The following MPP2 variants were observed in gnomAD, a reference collection of about 807,000 sequenced individuals.
The protein encoded by MPP2 is MAGUK p55 scaffold protein 2, also known as MAGUK p55 subfamily member 2.
Under a neutral mutation model 58.5 loss-of-function variants are expected in MPP2, and 42 were observed. The ratio of observed to expected loss-of-function variants is 0.72; its 90% confidence interval spans 0.56 to 0.93. MPP2 has a LOEUF of 0.93. Ranked by LOEUF, MPP2 falls within the 40% of genes least tolerant of loss-of-function variation. The pLI, the probability that MPP2 is intolerant of heterozygous loss-of-function variation, is 0.00. For missense variants in MPP2, 632 were observed against 760.4 expected (o/e 0.83, Z 1.99); for synonymous variants, 300 against 307.8 (o/e 0.97, Z 0.26).
rs967072666 is a variant in MPP2, at chr17:43,880,617, C to T, written c.1150+74G>A. 3.0e-5 allele frequency: 44 copies of T among 1,487,198 alleles called. No homozygotes were observed. Among genetic ancestry groups the T allele is most frequent in the East Asian group, 4.7e-5 (2 of 42,796 alleles). The allele number at this position is 1,487,198 out of a possible 1,614,324, so 92.1% of individuals were successfully genotyped here. On this transcript the variant is annotated intron_variant, in intron 10 of 12. Transcript: ENST00000269095. The surrounding 1 kb of genome is among the most constrained non-coding windows in gnomAD (Gnocchi z 5.2). ...CCTGGTGCCCATGAAGATGCCCATT[C>T]GGTGGGCCCAGCCCTGGCCCCAGGG...
At chr17:43,892,963 C>T (rs945068252) in intron 3 of MPP2, among the ~76,000 whole-genome samples, 2 of 151,854 alleles carry the variant, frequency 1.3e-5, no homozygotes, top group East Asian at 3.9e-4. Context: ...TGGTATGTGG[C>T]GAGTGCAAAA....
At chr17:43,906,762 C>T (rs1597821514) in intron 1 of MPP2, among the ~76,000 whole-genome samples, 1 of 152,174 alleles carries the variant, frequency 6.6e-6, no homozygotes. Context: ...TGTTGTGAGC[C>T]ATCAAAGAAG....
rs937488041 is a variant in MPP2 at position 43,897,476 on chromosome 17, C to T, written c.150+786G>A. Among the ~76,000 whole-genome samples, 28 of 151,612 alleles carry T rather than the reference C, an allele frequency of 1.8e-4. 1 individual carries two copies. ...AGCCTGGGCAACAAGAGCAAAACTC[C>T]TTCTCAAAACAAAACAAAACAAAAA... On this transcript the variant is annotated intron_variant, in intron 3 of 12. Transcript: ENST00000269095.
intron 2 of MPP2, among the ~76,000 whole-genome samples, chr17:43,902,387 T>C (rs940927717): frequency 2.0e-5 from 3 of 152,152 alleles, no homozygotes; most frequent in African/African-American, 7.2e-5. Context: ...GTGGGTTTAC[T>C]GGGCAGTCCC....
chr17:43,898,888 C>A (rs2047969313), intron 2 of MPP2, among the ~76,000 whole-genome samples: 1 of 152,176 alleles, frequency 6.6e-6, no homozygotes, highest in Admixed American at 6.5e-5. Flanking sequence ...CTGCTTGAAC[C>A]TGTGAGGCAG....
At chr17:43,891,869 T>G (rs186026029) in intron 3 of MPP2, among the ~76,000 whole-genome samples, 1 of 152,312 alleles carries the variant, frequency 6.6e-6, no homozygotes, top group African/African-American at 2.4e-5. Flanking sequence ...AGCCCTGTGT[T>G]CTTTCTTCTT....
At position 43,877,934 on chromosome 17, in the gene MPP2, C is replaced by T; in HGVS notation, c.1532G>A (p.Gly511Asp). The T allele has an allele frequency of 6.2e-7, 1 of 1,614,026 alleles. No individual in the cohort carries two copies. Residue 511 changes from glycine to aspartate, a missense_variant, in exon 13 of 13, where the codon GGC (glycine) becomes GAC (aspartate). Gly to Asp is a moderately conservative substitution (Grantham distance 94). Transcript: ENST00000269095. ...GCAGAGGTCAAAGTAGTGCCCGTAG[C>T]CCCGCTGGATGCGGCTGCTCTCCTC... ...TVEESSRIQR[G>D]YGHYFDLCLV... is the part of the protein sequence containing the mutation.
chr17:43,897,611 T>C (rs929334200), intron 3 of MPP2, among the ~76,000 whole-genome samples: 9 of 152,186 alleles, frequency 5.9e-5, no homozygotes, highest in African/African-American at 2.2e-4. Flanking sequence ...TGTCTTACAC[T>C]TGAGGCTCAG....
chr17:43,882,571 T>C, intron 5 of MPP2, 60 bp from the exon 6 acceptor site: 2 of 1,512,352 alleles, frequency 1.3e-6, no homozygotes, highest in South Asian at 1.2e-5. Context: ...AATCTTCAAA[T>C]AGTCTCCTAA....
rs2090006544 is a variant in MPP2 at position 43,879,016 on chromosome 17, G to A, written c.1482+259C>T. Among the ~76,000 whole-genome samples, 1 of 152,200 alleles carries A rather than the reference G, an allele frequency of 6.6e-6. No homozygotes were observed. Among genetic ancestry groups the A allele is most frequent in the African/African-American group, 2.4e-5 (1 of 41,452 alleles). ...GCCAGCACTCTGTCTCTGCAGAGTGGGCTGAGCCGGGGGCCTTGAGTCAGA... is the reference window on the plus strand; with the variant it reads ...GCCAGCACTCTGTCTCTGCAGAGTGAGCTGAGCCGGGGGCCTTGAGTCAGA... On this transcript the variant is annotated intron_variant, in intron 12 of 12. Coordinates refer to ENST00000269095, the MANE Select transcript of MPP2 (RefSeq NM_005374.5). The surrounding 1 kb of genome is among the most constrained non-coding windows in gnomAD (Gnocchi z 4.1).
rs1321443665 is a variant in MPP2 at position 43,877,295 on chromosome 17, C to T, written c.*512G>A. On this transcript the variant is annotated 3_prime_UTR_variant, in exon 13 of 13. Transcript: ENST00000269095. ...ACCAGGCTGGCACCACCACCCGGGC[C>T]TGCCTGGCTGCCAGCGGGCCACACA... 6.5e-6 allele frequency: 1 copy of T among 153,322 alleles called. No individual in the cohort carries two copies. The highest frequency in any genetic ancestry group is 1.5e-5 in the Non-Finnish European group (1 of 68,634). 9.5% of individuals were successfully genotyped at this position (153,322 alleles called of 1,614,324 possible).
At position 43,880,059 on chromosome 17, in the gene MPP2, T is replaced by G; in HGVS notation, c.1151-75A>C. On this transcript the variant is annotated intron_variant, in intron 10 of 12. Transcript: ENST00000269095. This position sits in a 1 kb window ranked among gnomAD's most constrained non-coding sequence, Gnocchi z 5.2. ...TGCCTCAGACACATATATGCACCCC[T>G]ACCCAGGCCCCCGTTTCCCAGCCTT... 1 of 1,417,042 alleles carries G rather than the reference T, an allele frequency of 7.1e-7. No individual in the cohort carries two copies. The highest frequency in any genetic ancestry group is 9.8e-7 in the Non-Finnish European group (1 of 1,015,984). 87.8% of individuals were successfully genotyped at this position (1,417,042 alleles called of 1,614,324 possible).
intron 2 of MPP2, among the ~76,000 whole-genome samples, chr17:43,899,981 G>A (rs867849611): frequency 1.3e-5 from 2 of 152,160 alleles, no homozygotes; most frequent in African/African-American, 4.8e-5. Flanking sequence ...GGAGGACGGC[G>A]GAGGATGCAC....
chr17:43,895,483 G>A (rs2047805608), intron 3 of MPP2, among the ~76,000 whole-genome samples: 1 of 152,004 alleles, frequency 6.6e-6, no homozygotes, highest in South Asian at 2.1e-4. Context: ...TTTTGGAGAT[G>A]GGTACTCAGG....
chr17:43,881,718 C>CATCA, intron 6 of MPP2, 129 bp from the exon 7 acceptor site: 1 of 1,221,098 alleles, frequency 8.2e-7, no homozygotes. Flanking sequence ...AGGAGTGATG[C>CATCA]CTCCAGGCCT....
rs2143480654 is a variant in MPP2, at chr17:43,876,704, A to C, written c.*1103T>G. 6.6e-6 allele frequency: 1 copy of C among 152,594 alleles called. No homozygotes were observed. Among genetic ancestry groups the C allele is most frequent in the Admixed American group, 6.5e-5 (1 of 15,308 alleles). The allele number at this position is 152,594 out of a possible 1,614,324, so 9.5% of individuals were successfully genotyped here. On this transcript the variant is annotated 3_prime_UTR_variant, in exon 13 of 13. Coordinates refer to ENST00000269095, the MANE Select transcript of MPP2 (RefSeq NM_005374.5). Reference sequence around the variant, plus strand: ...ACACACAACCTGGTGCCAGAGGCACAGACAGGTGCCGAACATGCACGTGGA... The same window carrying C: ...ACACACAACCTGGTGCCAGAGGCACCGACAGGTGCCGAACATGCACGTGGA...
At chr17:43,897,993 G>T (rs2047919451) in intron 3 of MPP2, among the ~76,000 whole-genome samples, 1 of 152,220 alleles carries the variant, frequency 6.6e-6, no homozygotes, top group Non-Finnish European at 1.5e-5. Flanking sequence ...TCCAACATGT[G>T]CATGCTAGCC....
intron 2 of MPP2, among the ~76,000 whole-genome samples, chr17:43,902,545 A>C (rs2048137133): frequency 6.6e-6 from 1 of 152,182 alleles, no homozygotes; most frequent in East Asian, 1.9e-4. Flanking sequence ...GAGCCCTCTG[A>C]TGCTGCAGAA....
At position 43,875,687 on chromosome 17, in the gene MPP2, G is replaced by C. The variant is rs996404832; in HGVS notation, c.*2120C>G. 26 of 152,402 alleles carry C rather than the reference G, an allele frequency of 1.7e-4. No individual in the cohort carries two copies. The highest frequency in any genetic ancestry group is 1.6e-3 in the Admixed American group (25 of 15,280). The allele number at this position is 152,402 out of a possible 1,614,324, so 9.4% of individuals were successfully genotyped here. A position where few individuals can be genotyped will look rare whatever the true frequency, so the allele number is the denominator to read the frequency against. ...AGTGAGGGCTCAGGCAGGGGAGGTA[G>C]GAGGCTGCTCAGAGAGGAAAGACCG... On this transcript the variant is annotated 3_prime_UTR_variant, in exon 13 of 13. Transcript: ENST00000269095.
Sources: gnomAD v4.1 joint callset for allele counts (sites outside exome capture counted in the v4.1 genomes callset) on GRCh38, gnomAD v4.1.1 for gene constraint, Gnocchi (gnomAD v3.1) non-coding constraint, MANE v1.5 for transcripts, NCBI Gene and HGNC (gene_info 2026-07-23, HGNC 2026-07-21) for gene names.